Variants in ADGRV1 observed in about 807,000 individuals in gnomAD.
The protein encoded by ADGRV1 is G-protein coupled receptor 98.
A neutral mutation model predicts 596.2 loss-of-function variants in ADGRV1; 359 were observed. The ratio of observed to expected loss-of-function variants is 0.60; its 90% confidence interval spans 0.55 to 0.66. The LOEUF (loss-of-function observed/expected upper bound fraction) is 0.66, where lower values mean the gene tolerates loss of function less well. Ranked by LOEUF, ADGRV1 falls within the 30% of genes least tolerant of loss-of-function variation. ADGRV1 has a pLI of 0.00. For synonymous variants in ADGRV1, 2,681 were observed against 2,679.2 expected, an observed-to-expected ratio of 1.00 and a Z score of -0.02; for missense variants, 7,274 against 7,575.6, an observed-to-expected ratio of 0.96 and a Z score of 1.48.
At chr5:90,822,631 T>A (rs1032546409) in intron 75 of ADGRV1, among the ~76,000 whole-genome samples, 1 of 152,204 alleles carries the variant, frequency 6.6e-6, no homozygotes, top group East Asian at 1.9e-4. Context: ...TGGTTCCATA[T>A]GAACTTTAAA....
At position 90,577,340 on chromosome 5, in the gene ADGRV1, G is replaced by T. The variant is rs138206715; in HGVS notation, c.22+18423G>T. ...TTTTTCAGCTTTCTACATATGGCTA[G>T]CCAGTTTTCCCAGCCCCATTTATTA... On this transcript the variant is annotated intron_variant, in intron 1 of 89. Transcript: ENST00000405460. Among the ~76,000 whole-genome samples, 1,395 of 152,292 alleles carry T rather than the reference G, an allele frequency of 9.2e-3. 12 individuals are homozygous for T. The highest frequency in any genetic ancestry group is 0.032 in the African/African-American group (1,329 of 41,558).
chr5:90,761,701 A>G (rs1234445946), intron 58 of ADGRV1, among the ~76,000 whole-genome samples: 2 of 152,192 alleles, frequency 1.3e-5, no homozygotes, highest in African/African-American at 2.4e-5. Context: ...CAAATTTTCA[A>G]TTTGTCTTAG....
chr5:90,593,211 T>A (rs111707838), intron 1 of ADGRV1, among the ~76,000 whole-genome samples: 1 of 152,144 alleles, frequency 6.6e-6, no homozygotes, highest in African/African-American at 2.4e-5. Flanking sequence ...CAAATGTCCA[T>A]CAATGATAGA....
At chr5:90,968,492 G>T (rs909358007) in intron 84 of ADGRV1, among the ~76,000 whole-genome samples, 11 of 152,170 alleles carry the variant, frequency 7.2e-5, no homozygotes, top group African/African-American at 2.4e-4. Flanking sequence ...ATTCTGGATG[G>T]CTAATGGCTT....
intron 70 of ADGRV1, among the ~76,000 whole-genome samples, chr5:90,799,684 C>T (rs543405733): frequency 3.8e-4 from 58 of 152,292 alleles, no homozygotes; most frequent in Admixed American, 1.4e-3. Flanking sequence ...AACTACACTA[C>T]AAGCCTACAG....
At chr5:91,033,136 C>G (rs1784611498) in intron 85 of ADGRV1, among the ~76,000 whole-genome samples, 1 of 151,970 alleles carries the variant, frequency 6.6e-6, no homozygotes, top group Non-Finnish European at 1.5e-5. Flanking sequence ...TCCTTTTTTA[C>G]TTTCCTTCCA....
chr5:90,893,360 C>G (rs1771004711), intron 83 of ADGRV1, among the ~76,000 whole-genome samples: 1 of 152,112 alleles, frequency 6.6e-6, no homozygotes, highest in Non-Finnish European at 1.5e-5. Context: ...ATTTGACAGT[C>G]TACTCTTAGA....
intron 83 of ADGRV1, among the ~76,000 whole-genome samples, chr5:90,930,469 G>A (rs1775134703): frequency 6.6e-6 from 1 of 152,112 alleles, no homozygotes; most frequent in African/African-American, 2.4e-5. Flanking sequence ...TATTGCCTGG[G>A]TGGTTTTGTA....
intron 83 of ADGRV1, among the ~76,000 whole-genome samples, chr5:90,896,270 T>TG (rs1458420037): frequency 4.5e-5 from 6 of 133,132 alleles, no homozygotes; most frequent in East Asian, 2.1e-4. Flanking sequence ...ACCAGTGGTT[T>TG]TTTTTTTTTT....
At chr5:90,831,272 C>CAT (rs1022326208) in intron 77 of ADGRV1, among the ~76,000 whole-genome samples, 1 of 149,710 alleles carries the variant, frequency 6.7e-6, no homozygotes, top group Non-Finnish European at 1.5e-5. Flanking sequence ...CGTATATATA[C>CAT]ATATATATAC....
At chr5:90,934,098 GTTC>G (rs754054170) in intron 83 of ADGRV1, among the ~76,000 whole-genome samples, 2 of 152,258 alleles carry the variant, frequency 1.3e-5, no homozygotes, top group East Asian at 1.9e-4. Context: ...GGTTTTGTCT[GTTC>G]TTCTTGCTGG....
intron 83 of ADGRV1, among the ~76,000 whole-genome samples, chr5:90,915,860 A>G (rs1773303930): frequency 6.6e-6 from 1 of 152,378 alleles, no homozygotes; most frequent in East Asian, 1.9e-4. Context: ...TTATGTGTAT[A>G]AACACTGAGA....
intron 21 of ADGRV1, among the ~76,000 whole-genome samples, chr5:90,666,173 G>A (rs1771338000): frequency 6.6e-6 from 1 of 150,376 alleles, no homozygotes; most frequent in African/African-American, 2.5e-5. Flanking sequence ...TATCCTTGTT[G>A]ACTTTCTGTC....
At chr5:90,973,118 C>G (rs1002748080) in intron 84 of ADGRV1, among the ~76,000 whole-genome samples, 22 of 152,260 alleles carry the variant, frequency 1.4e-4, no homozygotes, top group African/African-American at 5.3e-4. Context: ...TGGATAAATT[C>G]CTGGACACAT....
chr5:90,791,304 T>C lies in ADGRV1; in HGVS notation c.14475T>C (p.Asp4825=), dbSNP rs1760049621. The change falls in exon 70 of 90, where the codon GAT becomes GAC. Residue 4825 remains aspartate (D), a synonymous_variant. Transcript: ENST00000405460. Reference sequence around the variant, plus strand: ...CAGAGAGGCAGCTGGTGGTCAAAGATGGTGCCACATATAAAGTGGACGTGG... The same window carrying C: ...CAGAGAGGCAGCTGGTGGTCAAAGACGGTGCCACATATAAAGTGGACGTGG... ...ENAERQLVVK[D]GATYKVDVVP... 6 of 1,591,180 alleles carry C rather than the reference T, an allele frequency of 3.8e-6. No homozygotes were observed. In the South Asian group the frequency reaches 6.8e-5, roughly 18 times the overall value.
At chr5:91,058,963 C>T (rs895917025) in intron 85 of ADGRV1, among the ~76,000 whole-genome samples, 4 of 152,212 alleles carry the variant, frequency 2.6e-5, no homozygotes, top group Non-Finnish European at 5.9e-5. Context: ...TTTCACTGAA[C>T]TCATACTGCA....
Position 90,619,197 on chromosome 5 carries a change from G to T in ADGRV1, c.453+16G>T. The T allele has an allele frequency of 1.8e-6, 2 of 1,128,790 alleles. No homozygotes were observed. Among genetic ancestry groups the T allele is most frequent in the Non-Finnish European group, 2.5e-6 (2 of 810,968 alleles). 69.9% of individuals were successfully genotyped at this position (1,128,790 alleles called of 1,614,324 possible). The stretch of plus-strand genomic sequence containing the variant: ...ATTTAATATGGTATGGACACAATTT[G>T]ATGATAATTGTGGTTGCTAGATAAT... On this transcript the variant is annotated intron_variant, in intron 4 of 89. Transcript: ENST00000405460.
At chr5:90,892,181 A>T (rs1770888035) in intron 83 of ADGRV1, among the ~76,000 whole-genome samples, 1 of 152,040 alleles carries the variant, frequency 6.6e-6, no homozygotes. Context: ...GCAAAATTTC[A>T]TGTGAATGTG....
chr5:90,728,482 C>T (rs958329605), intron 48 of ADGRV1, among the ~76,000 whole-genome samples, 187 bp from the exon 49 acceptor site: 1 of 152,152 alleles, frequency 6.6e-6, no homozygotes, highest in Non-Finnish European at 1.5e-5. Context: ...TATATGTGCA[C>T]ACTCACACAG....
Sources: allele counts gnomAD v4.1 joint callset (sites outside exome capture counted in the v4.1 genomes callset), GRCh38; gene constraint gnomAD v4.1.1; transcripts MANE v1.5; gene names NCBI Gene and HGNC (gene_info 2026-07-23, HGNC 2026-07-21).